The following KCNJ10 variants were observed in gnomAD, a reference collection of about 807,000 sequenced individuals.
KCNJ10 encodes potassium inwardly rectifying channel subfamily J member 10, also known as ATP-sensitive inward rectifier potassium channel 10.
In KCNJ10, 9 loss-of-function variants were observed where a neutral mutation model predicts 22.2. The observed-to-expected ratio is 0.40, with a 90% CI of 0.24 to 0.71. The LOEUF (loss-of-function observed/expected upper bound fraction) is 0.71. KCNJ10 is among the 30% of genes least tolerant of loss of function. KCNJ10 has a pLI of 0.35. For synonymous variants in KCNJ10, 184 were observed against 187.3 expected, an observed-to-expected ratio of 0.98 and a Z score of 0.15; for missense variants, 337 against 482.7, an observed-to-expected ratio of 0.70 and a Z score of 2.83.
chr1:160,055,292 G>A (rs577739081), intron 1 of KCNJ10, among the ~76,000 whole-genome samples: 6 of 152,130 alleles, frequency 3.9e-5, no homozygotes, highest in Non-Finnish European at 5.9e-5. Context: ...GCCAGTCTAG[G>A]GGGGGCAGGG....
intron 1 of KCNJ10, 149 bp from the exon 2 acceptor site, chr1:160,042,681 T>A: frequency 1.2e-6 from 1 of 840,276 alleles, no homozygotes; most frequent in Non-Finnish European, 1.9e-6. Flanking sequence ...ACTTGCTATG[T>A]GCCAGGCACT....
rs1648632903 is a variant in KCNJ10, at chr1:160,042,466, G to A, written c.67C>T (p.Pro23Ser). Residue 23 changes from proline to serine, a missense_variant, in exon 2 of 2, where the codon CCA becomes TCA. Pro to Ser is a moderately conservative substitution (Grantham distance 74). This residue lies in a region of KCNJ10 where 107 missense variants were observed against 135.2 expected (regional missense o/e 0.79). Transcript: ENST00000644903. ...TQTESRPLMG[P>S]GIRRRRVLTK... ...AGGACTCTCCGCCGTCGTATCCCTGGGCCCATTAGGGGCCGGCTTTCTGTC... is the reference window on the plus strand; with the variant it reads ...AGGACTCTCCGCCGTCGTATCCCTGAGCCCATTAGGGGCCGGCTTTCTGTC... 1 of 1,613,952 alleles carries A rather than the reference G, an allele frequency of 6.2e-7. No homozygotes were observed. Among genetic ancestry groups the A allele is most frequent in the African/African-American group, 1.3e-5 (1 of 74,880 alleles).
intron 1 of KCNJ10, among the ~76,000 whole-genome samples, chr1:160,063,750 C>G (rs573226558): frequency 6.6e-6 from 1 of 152,316 alleles, no homozygotes; most frequent in Non-Finnish European, 1.5e-5. Context: ...GGTCACTTTC[C>G]CTCTCTGGGC....
At chr1:160,068,691 C>T (rs913732817) in intron 1 of KCNJ10, among the ~76,000 whole-genome samples, 2 of 152,204 alleles carry the variant, frequency 1.3e-5, no homozygotes, top group African/African-American at 4.8e-5. Context: ...ACCCAGTCTA[C>T]CCCCAGAGAA....
At position 160,041,151 on chromosome 1, in the gene KCNJ10, C is replaced by T. The variant is rs370064318; in HGVS notation, c.*242G>A. On this transcript the variant is annotated 3_prime_UTR_variant, in exon 2 of 2. Coordinates refer to ENST00000644903, the MANE Select transcript of KCNJ10 (RefSeq NM_002241.5). The surrounding 1 kb of genome is among the most constrained non-coding windows in gnomAD (Gnocchi z 4.4). ...CACTTCAGCCTAATCCCACTCTTTC[C>T]CCCATCCTGGCTTAAGGGAGGTATG... 1 of 566,694 alleles carries T rather than the reference C, an allele frequency of 1.8e-6. No homozygotes were observed. The highest frequency in any genetic ancestry group is 2.0e-5 in the South Asian group (1 of 49,864). The allele number at this position is 566,694 out of a possible 1,614,324, so 35.1% of individuals were successfully genotyped here.
chr1:160,066,237 C>T (rs1649319863), intron 1 of KCNJ10, among the ~76,000 whole-genome samples: 1 of 152,174 alleles, frequency 6.6e-6, no homozygotes, highest in Non-Finnish European at 1.5e-5. Flanking sequence ...TTGGCAAAAA[C>T]TTGTGGAAAG....
intron 1 of KCNJ10, among the ~76,000 whole-genome samples, chr1:160,063,872 T>C (rs772659484): frequency 1.1e-4 from 17 of 152,248 alleles, no homozygotes; most frequent in Admixed American, 2.0e-4. Context: ...GCTCACATCA[T>C]TGAGCTCTAC....
At chr1:160,055,214 G>T (rs1648999223) in intron 1 of KCNJ10, among the ~76,000 whole-genome samples, 1 of 152,164 alleles carries the variant, frequency 6.6e-6, no homozygotes, top group Non-Finnish European at 1.5e-5. Flanking sequence ...AATCACCTCT[G>T]TAATATGGGG....
At chr1:160,043,701 T>A (rs967867186) in intron 1 of KCNJ10, among the ~76,000 whole-genome samples, 6 of 152,176 alleles carry the variant, frequency 3.9e-5, no homozygotes, top group African/African-American at 1.4e-4. Context: ...GAGCTAGGGG[T>A]GTATATTAAC....
chr1:160,043,434 C>A (rs1470421351), intron 1 of KCNJ10, among the ~76,000 whole-genome samples: 1 of 152,216 alleles, frequency 6.6e-6, no homozygotes, highest in Non-Finnish European at 1.5e-5. Context: ...TCAAGATGCT[C>A]CCTAAGCACC....
intron 1 of KCNJ10, among the ~76,000 whole-genome samples, chr1:160,055,872 C>T (rs1248366875): frequency 1.3e-5 from 2 of 152,214 alleles, no homozygotes; most frequent in Admixed American, 6.5e-5. Flanking sequence ...CTGTTTCCCC[C>T]GTTCCGTGGA....
intron 1 of KCNJ10, among the ~76,000 whole-genome samples, chr1:160,065,573 C>A (rs962168259): frequency 3.9e-5 from 6 of 152,098 alleles, no homozygotes; most frequent in South Asian, 4.1e-4. Flanking sequence ...GAATAGAGAT[C>A]TGCGGGAGGG....
intron 1 of KCNJ10, among the ~76,000 whole-genome samples, chr1:160,063,862 G>A (rs1211368502): frequency 1.3e-5 from 2 of 152,206 alleles, no homozygotes; most frequent in Non-Finnish European, 2.9e-5. Flanking sequence ...TTTAATGAGA[G>A]CTCACATCAT....
At chr1:160,053,816 G>T (rs907267048) in intron 1 of KCNJ10, among the ~76,000 whole-genome samples, 4 of 152,178 alleles carry the variant, frequency 2.6e-5, no homozygotes, top group African/African-American at 7.2e-5. Context: ...TCAAAAGAAA[G>T]GATAAAAGCC....
chr1:160,044,081 C>A (rs182872929), intron 1 of KCNJ10, among the ~76,000 whole-genome samples: 2 of 152,302 alleles, frequency 1.3e-5, no homozygotes, highest in Admixed American at 1.3e-4. Context: ...AACTTCAAAT[C>A]TTTTGGGCCT....
chr1:160,060,244 T>C (rs78196300), intron 1 of KCNJ10, among the ~76,000 whole-genome samples: 1 of 152,220 alleles, frequency 6.6e-6, no homozygotes, highest in Non-Finnish European at 1.5e-5. Context: ...CAGAACTAGA[T>C]TCAGAGGTGA....
chr1:160,049,959 T>C (rs1034119175), intron 1 of KCNJ10, among the ~76,000 whole-genome samples: 2 of 151,476 alleles, frequency 1.3e-5, no homozygotes, highest in African/African-American at 4.9e-5. Context: ...CCTTCTTGTC[T>C]GTATCTTCTC....
intron 1 of KCNJ10, among the ~76,000 whole-genome samples, chr1:160,047,284 C>T (rs1006725450): frequency 6.6e-6 from 1 of 152,180 alleles, no homozygotes; most frequent in East Asian, 1.9e-4. Flanking sequence ...TTTGCTACTT[C>T]GCTCCTGGGT....
At chr1:160,046,044 C>A (rs1269598939) in intron 1 of KCNJ10, among the ~76,000 whole-genome samples, 1 of 152,158 alleles carries the variant, frequency 6.6e-6, no homozygotes, top group African/African-American at 2.4e-5. Flanking sequence ...AAGATTCTGT[C>A]TATACCCATG....
Sources: gnomAD v4.1 joint callset for allele counts (sites outside exome capture counted in the v4.1 genomes callset) on GRCh38, gnomAD v4.1.1 for gene constraint, gnomAD v4.1.1 regional missense constraint, Gnocchi (gnomAD v3.1) non-coding constraint, MANE v1.5 for transcripts, NCBI Gene and HGNC (gene_info 2026-07-23, HGNC 2026-07-21) for gene names.